MINPP1: variants seen among roughly 807,000 people sequenced by gnomAD.
MINPP1 encodes the protein multiple inositol-polyphosphate phosphatase 1.
MINPP1 carries 28 observed loss-of-function variants against 46.1 expected under a neutral mutation model. The observed-to-expected ratio is 0.61, with a 90% CI of 0.45 to 0.83. The LOEUF is 0.83. Among genes scored for constraint, MINPP1 ranks in the 40% least tolerant of loss-of-function variants. The probability of loss-of-function intolerance (pLI) is 0.00; values close to 1 mark genes in which losing one functional copy is unlikely to be tolerated. For synonymous variants in MINPP1, 268 were observed against 249.1 expected, an observed-to-expected ratio of 1.08 and a Z score of -0.72; for missense variants, 603 against 610.0, an observed-to-expected ratio of 0.99 and a Z score of 0.12.
At chr10:87,548,147 C>T (rs893623765) in intron 4 of MINPP1, among the ~76,000 whole-genome samples, 4 of 152,104 alleles carry the variant, frequency 2.6e-5, no homozygotes, top group African/African-American at 9.7e-5. Context: ...TGTTTTAAGA[C>T]TTAGTAGGAG....
At chr10:87,524,456 T>G (rs1322415778) in intron 4 of MINPP1, among the ~76,000 whole-genome samples, 1 of 152,236 alleles carries the variant, frequency 6.6e-6, no homozygotes, top group Non-Finnish European at 1.5e-5. Context: ...AGCAATAACA[T>G]TCTTCCACTT....
At chr10:87,544,880 G>A (rs1851866267) in intron 4 of MINPP1, among the ~76,000 whole-genome samples, 1 of 152,134 alleles carries the variant, frequency 6.6e-6, no homozygotes. Flanking sequence ...AAACATTTAT[G>A]TTTGAGATTT....
intron 4 of MINPP1, among the ~76,000 whole-genome samples, chr10:87,543,732 A>T (rs750293590): frequency 4.6e-5 from 7 of 152,258 alleles, no homozygotes; most frequent in African/African-American, 1.7e-4. Context: ...AAGAAAACAA[A>T]GTTAGTTTTA....
At chr10:87,513,402 A>G (rs1281166976) in intron 3 of MINPP1, among the ~76,000 whole-genome samples, 181 bp downstream of exon 3, 2 of 152,150 alleles carry the variant, frequency 1.3e-5, no homozygotes, top group South Asian at 2.1e-4. Flanking sequence ...AATTGGTCCC[A>G]CCTACTTGTA....
In MINPP1 at chr10:87,517,028, G is replaced by T. The variant is rs549237638; in HGVS notation, c.933+3807G>T. Reference sequence around the variant, plus strand: ...GCTAAATGGTGAGAACACATGGACAGATAGAGGGGAACAACATACACTGGG... The same window carrying T: ...GCTAAATGGTGAGAACACATGGACATATAGAGGGGAACAACATACACTGGG... On this transcript the variant is annotated intron_variant, in intron 3 of 4. Coordinates refer to ENST00000371996, the MANE Select transcript of MINPP1 (RefSeq NM_004897.5). Among the ~76,000 whole-genome samples, 198 of 152,224 alleles carry T rather than the reference G, an allele frequency of 1.3e-3. 1 individual carries two copies. Among genetic ancestry groups the T allele is most frequent in the Admixed American group, 2.2e-3 (34 of 15,292 alleles).
chr10:87,552,399 A>G lies in MINPP1; in HGVS notation c.1385A>G (p.Tyr462Cys). ...TTTTATGAAGATCTGAAGAACCACT[A>G]CAAGGACATCCTTCAGAGTTGTCAA... ...VSFYEDLKNH[Y>C]KDILQSCQTS... The change falls in exon 5 of 5, where the codon TAC becomes TGC. Residue 462 changes from tyrosine (Y) to cysteine (C), a missense_variant. Tyr to Cys is a radical substitution (Grantham distance 194). Coordinates refer to ENST00000371996, the MANE Select transcript of MINPP1 (RefSeq NM_004897.5). 2 of 1,613,522 alleles carry G rather than the reference A, an allele frequency of 1.2e-6. No homozygotes were observed. The highest frequency in any genetic ancestry group is 1.7e-6 in the Non-Finnish European group (2 of 1,179,686).
chr10:87,544,338 G>A (rs1024585252), intron 4 of MINPP1, among the ~76,000 whole-genome samples: 13 of 152,172 alleles, frequency 8.5e-5, no homozygotes, highest in African/African-American at 2.4e-4. Flanking sequence ...CGCCCTCCAG[G>A]AACCTCCACA....
At chr10:87,543,889 A>G (rs1851851751) in intron 4 of MINPP1, among the ~76,000 whole-genome samples, 1 of 152,174 alleles carries the variant, frequency 6.6e-6, no homozygotes, top group Non-Finnish European at 1.5e-5. Flanking sequence ...CGCCTTCAAC[A>G]TTGGGGATCA....
In MINPP1 at chr10:87,505,266, C is replaced by T. The variant is rs1851224663; in HGVS notation, c.351C>T (p.Gly117=). 1.2e-6 allele frequency: 2 copies of T among 1,611,964 alleles called. No homozygotes were observed. Among genetic ancestry groups the T allele is most frequent in the Non-Finnish European group, 1.7e-6 (2 of 1,178,628 alleles). The change falls in exon 1 of 5, where the codon GGC becomes GGT. Residue 117 remains glycine (G), a synonymous_variant. Coordinates refer to ENST00000371996, the MANE Select transcript of MINPP1 (RefSeq NM_004897.5). This position sits in a 1 kb window ranked among gnomAD's most constrained non-coding sequence, Gnocchi z 4.4. Reference sequence around the variant, plus strand: ...TGCAGGCCCGCGGGTCCAGGGATGGCGGGGCTAGTAGTACCGGCAGCCGCG... The same window carrying T: ...TGCAGGCCCGCGGGTCCAGGGATGGTGGGGCTAGTAGTACCGGCAGCCGCG... ...GLLQARGSRD[G]GASSTGSRDL...
At chr10:87,537,212 C>T (rs917579555) in intron 4 of MINPP1, among the ~76,000 whole-genome samples, 3 of 152,208 alleles carry the variant, frequency 2.0e-5, no homozygotes, top group Non-Finnish European at 4.4e-5. Flanking sequence ...GCTGGGATTA[C>T]AGGCATGAGC....
chr10:87,530,602 G>T (rs972052647), intron 4 of MINPP1, among the ~76,000 whole-genome samples: 2 of 152,206 alleles, frequency 1.3e-5, no homozygotes, highest in African/African-American at 4.8e-5. Context: ...TGGGTTGTCA[G>T]TCGGCCCCTA....
At chr10:87,519,619 A>C (rs1851470161) in intron 3 of MINPP1, among the ~76,000 whole-genome samples, 1 of 152,194 alleles carries the variant, frequency 6.6e-6, no homozygotes, top group Admixed American at 6.5e-5. Flanking sequence ...CAGCAATGCT[A>C]GTGTAGCAAG....
rs768660896 is a variant in MINPP1 at position 87,508,196 on chromosome 10, C to G, written c.638-140C>G. On this transcript the variant is annotated intron_variant, in intron 1 of 4. Transcript: ENST00000371996. ...GGAATAATTTTACCCCAAGAGTTTC[C>G]TGACCAATATGTGCTTATTTCAGCT... is the stretch of plus-strand genomic sequence containing the variant. 1.9e-6 allele frequency: 3 copies of G among 1,547,964 alleles called. No homozygotes were observed. The South Asian group carries it at 3.6e-5, about 18-fold the overall frequency.
chr10:87,511,255 A>T (rs1421568566), intron 2 of MINPP1, among the ~76,000 whole-genome samples: 2 of 152,062 alleles, frequency 1.3e-5, no homozygotes, highest in Non-Finnish European at 2.9e-5. Context: ...TTTCTTGCTT[A>T]TCTCTTAGGT....
At chr10:87,532,298 T>C (rs1191881183) in intron 4 of MINPP1, among the ~76,000 whole-genome samples, 1 of 152,246 alleles carries the variant, frequency 6.6e-6, no homozygotes, top group African/African-American at 2.4e-5. Context: ...GCAGCTACTA[T>C]GTTTATATGT....
chr10:87,518,121 G>A (rs540398637), intron 3 of MINPP1, among the ~76,000 whole-genome samples: 6 of 151,598 alleles, frequency 4.0e-5, no homozygotes, highest in African/African-American at 1.2e-4. Flanking sequence ...CACCACACCC[G>A]GCTAATTTTT....
chr10:87,505,033 G>A lies in MINPP1; in HGVS notation c.118G>A (p.Ala40Thr). 6.2e-7 allele frequency: 1 copy of A among 1,613,200 alleles called. No homozygotes were observed. Among genetic ancestry groups the A allele is most frequent in the Non-Finnish European group, 8.5e-7 (1 of 1,179,904 alleles). The part of the protein sequence containing the change: ...CSLLEPRDPV[A>T]SSLSPYFGTK... Reference sequence around the variant, plus strand: ...TCTTCTAGAGCCGAGGGACCCGGTGGCCTCGTCGCTCAGCCCCTATTTCGG... The same window carrying A: ...TCTTCTAGAGCCGAGGGACCCGGTGACCTCGTCGCTCAGCCCCTATTTCGG... The change falls in exon 1 of 5, where the codon GCC (alanine) becomes ACC (threonine). Residue 40 changes from alanine (A) to threonine (T), a missense_variant. Coordinates refer to ENST00000371996, the MANE Select transcript of MINPP1 (RefSeq NM_004897.5). This position sits in a 1 kb window ranked among gnomAD's most constrained non-coding sequence, Gnocchi z 4.4.
chr10:87,521,311 G>A (rs1014941052), intron 4 of MINPP1, 142 bp downstream of exon 4: 34 of 634,692 alleles, frequency 5.4e-5, no homozygotes, highest in Non-Finnish European at 8.1e-5. Flanking sequence ...AAAAGAATTC[G>A]ATAACATATA....
intron 4 of MINPP1, among the ~76,000 whole-genome samples, chr10:87,532,368 A>G (rs1041640544): frequency 6.6e-6 from 1 of 152,262 alleles, no homozygotes; most frequent in Admixed American, 6.5e-5. Flanking sequence ...TAGAGAAAAT[A>G]AAAACATTTT....
Sources: gnomAD v4.1 joint callset for allele counts (sites outside exome capture counted in the v4.1 genomes callset) on GRCh38, gnomAD v4.1.1 for gene constraint, Gnocchi (gnomAD v3.1) non-coding constraint, MANE v1.5 for transcripts, NCBI Gene and HGNC (gene_info 2026-07-23, HGNC 2026-07-21) for gene names.